ARHGEF4: variants seen among roughly 807,000 people sequenced by gnomAD.
ARHGEF4 encodes the protein Rho guanine nucleotide exchange factor 4.
Under a neutral mutation model 162.0 loss-of-function variants are expected in ARHGEF4, and 119 were observed. That is an observed-to-expected ratio of 0.73 (90% CI 0.63 to 0.86). The LOEUF is 0.86. Ranked by LOEUF, ARHGEF4 falls within the 40% of genes least tolerant of loss-of-function variation. The pLI is 0.00. For synonymous variants in ARHGEF4, 1,014 were observed against 979.9 expected (o/e 1.03, Z -0.65); for missense variants, 2,488 against 2,456.0 (o/e 1.01, Z -0.28).
At chr2:131,042,980 A>G (rs1302683867) in intron 10 of ARHGEF4, among the ~76,000 whole-genome samples, 2 of 152,252 alleles carry the variant, frequency 1.3e-5, no homozygotes, top group South Asian at 2.1e-4. Context: ...GCACTGTCCA[A>G]TCAAACTAGT....
At chr2:130,978,562 C>A (rs933281624) in intron 4 of ARHGEF4, among the ~76,000 whole-genome samples, 3 of 152,188 alleles carry the variant, frequency 2.0e-5, no homozygotes, top group African/African-American at 7.2e-5. Flanking sequence ...TAACCAGTCC[C>A]TTCAATTGTG....
At chr2:130,994,573 G>A (rs977378879) in intron 4 of ARHGEF4, among the ~76,000 whole-genome samples, 4 of 152,048 alleles carry the variant, frequency 2.6e-5, no homozygotes, top group African/African-American at 9.7e-5. Flanking sequence ...CCAATAAGAC[G>A]TTGTTTTGTA....
intron 1 of ARHGEF4, among the ~76,000 whole-genome samples, chr2:130,884,254 G>GCA (rs1041882770): frequency 6.6e-6 from 1 of 151,562 alleles, no homozygotes; most frequent in Non-Finnish European, 1.5e-5. Flanking sequence ...GCATACACAT[G>GCA]CACACACACG....
intron 1 of ARHGEF4, among the ~76,000 whole-genome samples, chr2:130,882,722 C>T (rs942286948): frequency 8.6e-5 from 13 of 151,904 alleles, no homozygotes; most frequent in Admixed American, 7.9e-4. Context: ...CAGGGGACTT[C>T]ACCCGTACCC....
chr2:130,860,675 A>T lies in ARHGEF4; in HGVS notation c.39+23683A>T, dbSNP rs1472323324. On this transcript the variant is annotated intron_variant, in intron 1 of 13. Coordinates refer to ENST00000409359, the MANE Select transcript of ARHGEF4 (RefSeq NM_001367493.1). Reference sequence around the variant, plus strand: ...CGGTGAGCCGAGATCGCGTCACTGCACTCCAGCCTGGGCGACAGAGCGAGA... The same window carrying T: ...CGGTGAGCCGAGATCGCGTCACTGCTCTCCAGCCTGGGCGACAGAGCGAGA... 5.1e-5 allele frequency among the ~76,000 whole-genome samples: 6 copies of T among 118,306 alleles called. 1 individual carries two copies. Among genetic ancestry groups the T allele is most frequent in the Non-Finnish European group, 9.6e-5 (6 of 62,180 alleles). 77.6% of individuals were successfully genotyped at this position (118,306 alleles called of 152,430 possible). A position where few individuals can be genotyped will look rare whatever the true frequency, so the allele number is the denominator to read the frequency against.
At chr2:130,918,734 A>C (rs558160297) in intron 2 of ARHGEF4, among the ~76,000 whole-genome samples, 44 of 152,336 alleles carry the variant, frequency 2.9e-4, no homozygotes, top group South Asian at 1.2e-3. Context: ...TGGACAGCAT[A>C]CATTGAAATA....
chr2:130,884,584 ACTT>A (rs1444780254), intron 1 of ARHGEF4, among the ~76,000 whole-genome samples: 1 of 152,102 alleles, frequency 6.6e-6, no homozygotes, highest in African/African-American at 2.4e-5. Flanking sequence ...GATTTTTAAT[ACTT>A]TGAGGGCTAA....
At chr2:131,032,740 C>T (rs1453189143) in intron 5 of ARHGEF4, among the ~76,000 whole-genome samples, 2 of 151,890 alleles carry the variant, frequency 1.3e-5, no homozygotes, top group Admixed American at 1.3e-4. Context: ...CTCAGTCCTG[C>T]CACCAGCCTA....
At chr2:130,976,011 G>T (rs77879833) in intron 4 of ARHGEF4, among the ~76,000 whole-genome samples, 4,520 of 152,224 alleles carry the variant, frequency 0.03, 173 homozygotes, top group African/African-American at 0.094. Flanking sequence ...GTCCGTCACA[G>T]GCTGGCTGCT....
intron 3 of ARHGEF4, 94 bp downstream of exon 3, chr2:130,931,351 C>G: frequency 7.4e-7 from 1 of 1,351,082 alleles, no homozygotes. Context: ...GCCTGACTCT[C>G]CTGAGATGTA....
intron 3 of ARHGEF4, among the ~76,000 whole-genome samples, chr2:130,943,620 A>G (rs114351081): frequency 0.015 from 2,329 of 152,196 alleles, 71 homozygotes; most frequent in African/African-American, 0.053. Flanking sequence ...TAGTAACTCT[A>G]GGAATTAACA....
intron 1 of ARHGEF4, among the ~76,000 whole-genome samples, chr2:130,879,386 G>A (rs1413883310): frequency 4.6e-5 from 7 of 151,980 alleles, no homozygotes; most frequent in African/African-American, 1.7e-4. Context: ...ATACATTGTG[G>A]AATGGCGAAA....
At chr2:130,993,891 C>A (rs1573555715) in intron 4 of ARHGEF4, among the ~76,000 whole-genome samples, 1 of 152,106 alleles carries the variant, frequency 6.6e-6, no homozygotes, top group East Asian at 1.9e-4. Flanking sequence ...TCAAGCAATT[C>A]TCCTGCCTCA....
chr2:130,895,694 C>G (rs1054373705), intron 1 of ARHGEF4, among the ~76,000 whole-genome samples: 1 of 152,120 alleles, frequency 6.6e-6, no homozygotes, highest in African/African-American at 2.4e-5. Flanking sequence ...GGTTGTTCAT[C>G]TTCTTATTAC....
chr2:130,953,246 A>T (rs1200394033), intron 4 of ARHGEF4, among the ~76,000 whole-genome samples: 1 of 152,168 alleles, frequency 6.6e-6, no homozygotes, highest in African/African-American at 2.4e-5. Flanking sequence ...CCTCAGAAAT[A>T]ACACCACACA....
chr2:130,907,664 T>C (rs1680909537), intron 1 of ARHGEF4, among the ~76,000 whole-genome samples: 2 of 152,004 alleles, frequency 1.3e-5, no homozygotes, highest in African/African-American at 4.8e-5. Flanking sequence ...TAAAATTTTG[T>C]ATATTGAGTC....
intron 9 of ARHGEF4, 114 bp from the exon 10 acceptor site, chr2:131,041,700 TG>T: frequency 7.1e-7 from 1 of 1,406,582 alleles, no homozygotes; most frequent in Non-Finnish European, 9.6e-7. Flanking sequence ...AGTGAGGATG[TG>T]GTCAAAGGGC....
chr2:130,995,694 G>A (rs994557766), intron 4 of ARHGEF4, among the ~76,000 whole-genome samples: 2 of 151,980 alleles, frequency 1.3e-5, no homozygotes, highest in African/African-American at 2.4e-5. Context: ...AGGTTACTTC[G>A]GTCCAATTTC....
In ARHGEF4 at chr2:130,860,579, G is replaced by A. The variant is rs567307205; in HGVS notation, c.39+23587G>A. 8.0e-4 allele frequency among the ~76,000 whole-genome samples: 90 copies of A among 112,582 alleles called. 33 individuals are homozygous for A. Among genetic ancestry groups the A allele is most frequent in the African/African-American group, 4.3e-3 (89 of 20,596 alleles). 73.9% of individuals were successfully genotyped at this position (112,582 alleles called of 152,430 possible). A position where few individuals can be genotyped will look rare whatever the true frequency, so the allele number is the denominator to read the frequency against. On this transcript the variant is annotated intron_variant, in intron 1 of 13. Coordinates refer to ENST00000409359, the MANE Select transcript of ARHGEF4 (RefSeq NM_001367493.1). ...AAAAAAATTAGCTGGGCATGGTGGC[G>A]GGCGCCTGTAGTCCCAGCTACTCGG...
Sources: gnomAD v4.1 joint callset for allele counts (sites outside exome capture counted in the v4.1 genomes callset) on GRCh38, gnomAD v4.1.1 for gene constraint, MANE v1.5 for transcripts, NCBI Gene and HGNC (gene_info 2026-07-23, HGNC 2026-07-21) for gene names.